Variants in MYO10 observed in about 807,000 individuals in gnomAD.
The protein encoded by MYO10 is myosin X.
Under a neutral mutation model 257.3 loss-of-function variants are expected in MYO10, and 133 were observed. That is an observed-to-expected ratio of 0.52 (90% CI 0.45 to 0.60). The LOEUF is 0.60. Among genes scored for constraint, MYO10 ranks in the 20% least tolerant of loss-of-function variants. The pLI is 0.00. For missense variants in MYO10, 2,399 were observed against 2,635.7 expected (o/e 0.91, Z 1.97); for synonymous variants, 1,104 against 1,028.6 (o/e 1.07, Z -1.40).
intron 9 of MYO10, among the ~76,000 whole-genome samples, chr5:16,778,276 T>C (rs1324384336): frequency 1.3e-5 from 2 of 152,122 alleles, no homozygotes; most frequent in Admixed American, 6.6e-5. Flanking sequence ...TAAATGCAGA[T>C]ACCTTGTAAC....
At chr5:16,780,932 T>G (rs1303688636) in intron 6 of MYO10, among the ~76,000 whole-genome samples, 191 bp from the exon 7 acceptor site, 1 of 152,174 alleles carries the variant, frequency 6.6e-6, no homozygotes, top group African/African-American at 2.4e-5. Context: ...ATTCCAGGCC[T>G]GACACATGGT....
At chr5:16,697,577 A>C (rs925865886) in intron 26 of MYO10, among the ~76,000 whole-genome samples, 1 of 152,092 alleles carries the variant, frequency 6.6e-6, no homozygotes, top group Admixed American at 6.6e-5. Context: ...GTGTGCCTGT[A>C]ATCCCAGCTA....
At chr5:16,673,634 C>G in intron 36 of MYO10, 48 bp downstream of exon 36, 2 of 1,568,502 alleles carry the variant, frequency 1.3e-6, no homozygotes, top group African/African-American at 1.3e-5. Flanking sequence ...GCAGGTGTAT[C>G]TGCAGCAAAG....
At chr5:16,804,380 C>G (rs1175804995) in intron 3 of MYO10, among the ~76,000 whole-genome samples, 1 of 152,106 alleles carries the variant, frequency 6.6e-6, no homozygotes, top group Non-Finnish European at 1.5e-5. Flanking sequence ...GCAGCCCAAG[C>G]CCTAATGAAG....
At chr5:16,702,466 T>G (rs1738124955) in intron 24 of MYO10, 77 bp downstream of exon 24, 13 of 1,310,448 alleles carry the variant, frequency 9.9e-6, no homozygotes, top group Admixed American at 4.9e-5. Flanking sequence ...AATTCAGTTT[T>G]GAATCCTAGA....
In MYO10 at chr5:16,680,021, T is replaced by C; in HGVS notation, c.4468A>G (p.Ser1490Gly). The change falls in exon 33 of 41, where the codon AGT becomes GGT. Residue 1490 changes from serine to glycine, a missense_variant. Around this residue, in one of 3 missense-constraint regions of MYO10, gnomAD observed 1,820 missense variants for 1,939.4 expected, o/e 0.94. Coordinates refer to ENST00000513610, the MANE Select transcript of MYO10 (RefSeq NM_012334.3). ...GTGTCAGTCACGTTTTGAATGGCAC[T>C]GGACCACCGGGTGGCCTCGTTGAGC... is the stretch of plus-strand genomic sequence containing the variant. ...KLLNEATRWS[S>G]AIQNVTDTKA... 1 of 1,613,848 alleles carries C rather than the reference T, an allele frequency of 6.2e-7. No individual in the cohort carries two copies. The highest frequency in any genetic ancestry group is 1.7e-4 in the Middle Eastern group (1 of 6,060).
intron 9 of MYO10, among the ~76,000 whole-genome samples, chr5:16,774,598 T>C (rs1042184325): frequency 6.6e-6 from 1 of 152,096 alleles, no homozygotes; most frequent in South Asian, 2.1e-4. Context: ...ATTTTGTGTA[T>C]TTTTAGTAGA....
Position 16,800,276 on chromosome 5 carries a change from G to A in MYO10, c.280-5443C>T, listed in dbSNP as rs1003541917. On this transcript the variant is annotated intron_variant, in intron 3 of 40. Transcript: ENST00000513610. Reference sequence around the variant, plus strand: ...ACATTGTCAATAAATTTAAAATCCCGGCCAGCTACGGTGGGTCATGACTAT... The same window carrying A: ...ACATTGTCAATAAATTTAAAATCCCAGCCAGCTACGGTGGGTCATGACTAT... Among the ~76,000 whole-genome samples, 6 of 152,006 alleles carry A rather than the reference G, an allele frequency of 3.9e-5. No homozygotes were observed. In the East Asian group the frequency reaches 7.7e-4, roughly 20 times the overall value.
intron 2 of MYO10, among the ~76,000 whole-genome samples, chr5:16,830,913 A>C (rs1003660490): frequency 6.6e-6 from 1 of 152,160 alleles, no homozygotes; most frequent in Non-Finnish European, 1.5e-5. Flanking sequence ...TAAGGAGGGA[A>C]CTGGGCAGGA....
At chr5:16,715,259 A>G (rs78673523) in intron 19 of MYO10, among the ~76,000 whole-genome samples, 2 of 151,922 alleles carry the variant, frequency 1.3e-5, no homozygotes, top group African/African-American at 4.8e-5. Flanking sequence ...TTAAAAAAAA[A>G]TAAAGATGAT....
rs186768306 is a variant in MYO10 at position 16,859,107 on chromosome 5, G to A, written c.120+18502C>T. 1.7e-3 allele frequency among the ~76,000 whole-genome samples: 252 copies of A among 152,324 alleles called. 3 individuals are homozygous for A. The highest frequency in any genetic ancestry group is 5.9e-3 in the African/African-American group (244 of 41,578). ...GGGGTCTTTTAAGCCAAGGAGGGCA[G>A]GGGTACCCCTGGAGTAGAGTGGAAC... On this transcript the variant is annotated intron_variant, in intron 2 of 40. Transcript: ENST00000513610.
At chr5:16,933,725 T>A (rs902423435) in intron 1 of MYO10, among the ~76,000 whole-genome samples, 3 of 152,186 alleles carry the variant, frequency 2.0e-5, no homozygotes, top group Non-Finnish European at 2.9e-5. Flanking sequence ...GGAGCTGGGA[T>A]CTATGTTAAG....
At chr5:16,673,152 A>G (rs1057246040) in intron 36 of MYO10, among the ~76,000 whole-genome samples, 8 of 148,238 alleles carry the variant, frequency 5.4e-5, no homozygotes, top group Non-Finnish European at 1.2e-4. Context: ...TGGCTGATAA[A>G]TTTATGAACT....
At chr5:16,921,464 CAGTAAATAATGAT>C (rs896357884) in intron 1 of MYO10, among the ~76,000 whole-genome samples, 14 of 151,926 alleles carry the variant, frequency 9.2e-5, no homozygotes, top group African/African-American at 3.1e-4. Context: ...ATGACTCAGA[CAGTAAATAATGAT>C]TGTAAATGCC....
chr5:16,837,184 C>T (rs781504363), intron 2 of MYO10, among the ~76,000 whole-genome samples: 1 of 152,082 alleles, frequency 6.6e-6, no homozygotes, highest in Admixed American at 6.6e-5. Context: ...GTGGCAGAGG[C>T]CTGTAATCCC....
At chr5:16,821,508 C>G (rs1480490513) in intron 2 of MYO10, among the ~76,000 whole-genome samples, 2 of 126,446 alleles carry the variant, frequency 1.6e-5, no homozygotes, top group African/African-American at 6.3e-5. Context: ...GCTCTGTCAC[C>G]CAGGCTGGAG....
intron 2 of MYO10, among the ~76,000 whole-genome samples, chr5:16,834,062 G>A (rs961413376): frequency 3.9e-5 from 6 of 152,008 alleles, no homozygotes; most frequent in Admixed American, 6.6e-5. Flanking sequence ...GACTCCATAC[G>A]CATTAGATTA....
At chr5:16,749,819 G>A (rs1346127863) in intron 19 of MYO10, among the ~76,000 whole-genome samples, 4 of 152,224 alleles carry the variant, frequency 2.6e-5, no homozygotes. Context: ...ACCCCAGAAG[G>A]TGTTCCTGAT....
At chr5:16,722,043 C>T (rs1390215184) in intron 19 of MYO10, among the ~76,000 whole-genome samples, 2 of 152,202 alleles carry the variant, frequency 1.3e-5, no homozygotes, top group Non-Finnish European at 2.9e-5. Context: ...AAAATGCTCA[C>T]TTCCTGTCTC....
Sources: gnomAD v4.1 joint callset for allele counts (sites outside exome capture counted in the v4.1 genomes callset) on GRCh38, gnomAD v4.1.1 for gene constraint, gnomAD v4.1.1 regional missense constraint, MANE v1.5 for transcripts, NCBI Gene and HGNC (gene_info 2026-07-23, HGNC 2026-07-21) for gene names.